Variants in TMEM50B observed in about 807,000 individuals in gnomAD.
TMEM50B encodes the protein transmembrane protein 50B.
In TMEM50B, 14 loss-of-function variants were observed where a neutral mutation model predicts 23.4. The ratio of observed to expected loss-of-function variants is 0.60; its 90% CI spans 0.39 to 0.93. TMEM50B has a LOEUF of 0.93. TMEM50B is among the 40% of genes least tolerant of loss of function. The pLI is 0.00. For missense variants in TMEM50B, 159 were observed against 193.0 expected (o/e 0.82, Z 1.04); for synonymous variants, 64 against 62.3 (o/e 1.03, Z -0.13).
Position 33,450,073 on chromosome 21 carries a change from C to T in TMEM50B, c.*745G>A, listed in dbSNP as rs2084103610. The T allele has an allele frequency of 6.6e-6, 1 of 151,894 alleles. No individual in the cohort carries two copies. Among genetic ancestry groups the T allele is most frequent in the East Asian group, 1.9e-4 (1 of 5,190 alleles). 9.4% of individuals were successfully genotyped at this position (151,894 alleles called of 1,614,324 possible). A position where few individuals can be genotyped will look rare whatever the true frequency, so the allele number is the denominator to read the frequency against. On this transcript the variant is annotated 3_prime_UTR_variant, in exon 7 of 7. Transcript: ENST00000542230. ...ATAAGAACAAATATTTTTTCTTTAC[C>T]AAAAAAACCTCATTTTTAGGCCAAA...
At chr21:33,463,519 G>A (rs2084235775) in intron 4 of TMEM50B, among the ~76,000 whole-genome samples, 1 of 152,116 alleles carries the variant, frequency 6.6e-6, no homozygotes, top group South Asian at 2.1e-4. Flanking sequence ...GGAACTTTTT[G>A]GGGCAATGGA....
In TMEM50B at chr21:33,479,936, C is replaced by A. The variant is rs2084413544; in HGVS notation, c.-140G>T. On this transcript the variant is annotated 5_prime_UTR_variant, in exon 1 of 7. Coordinates refer to ENST00000542230, the MANE Select transcript of TMEM50B (RefSeq NM_006134.7). ...GGCGTCCCGCGGCTCCACCTCAGCC[C>A]CGGGAGCCCGGAGCTGGGAGCAGAC... 2 of 152,218 alleles carry A rather than the reference C, an allele frequency of 1.3e-5. No homozygotes were observed. The allele number at this position is 152,218 out of a possible 1,614,324, so 9.4% of individuals were successfully genotyped here.
intron 1 of TMEM50B, among the ~76,000 whole-genome samples, chr21:33,474,368 T>C (rs1276558088): frequency 3.9e-5 from 6 of 151,944 alleles, no homozygotes; most frequent in African/African-American, 1.5e-4. Context: ...AGTAAAATAA[T>C]GGTACTTCCA....
At chr21:33,459,616 C>T (rs931117270) in intron 5 of TMEM50B, among the ~76,000 whole-genome samples, 9 of 145,844 alleles carry the variant, frequency 6.2e-5, no homozygotes, top group South Asian at 2.2e-4. Context: ...TGCAGTGAGC[C>T]GAGATCACAC....
chr21:33,458,474 A>T (rs903547991), intron 5 of TMEM50B, among the ~76,000 whole-genome samples: 4 of 152,232 alleles, frequency 2.6e-5, no homozygotes, highest in African/African-American at 9.6e-5. Flanking sequence ...AGATCACGCC[A>T]CTGCACTCCA....
At chr21:33,453,666 A>G (rs2084142900) in intron 6 of TMEM50B, among the ~76,000 whole-genome samples, 2 of 152,148 alleles carry the variant, frequency 1.3e-5, no homozygotes, top group Admixed American at 6.6e-5. Flanking sequence ...ACCACAGTAC[A>G]TCGTAATCAA....
chr21:33,473,421 C>A (rs1434674101), intron 1 of TMEM50B, among the ~76,000 whole-genome samples: 1 of 148,992 alleles, frequency 6.7e-6, no homozygotes, highest in African/African-American at 2.5e-5. Context: ...CCACTGCACT[C>A]CAGCCTGGGC....
intron 8 of TMEM50B, among the ~76,000 whole-genome samples, chr21:33,433,911 T>C (rs2284554): frequency 0.59 from 88,846 of 151,688 alleles, 28,067 homozygotes; most frequent in East Asian, 0.83. Context: ...TCCAGGGAAG[T>C]GGCCTGGCTG....
At chr21:33,472,285 A>C (rs1402534508) in intron 1 of TMEM50B, among the ~76,000 whole-genome samples, 1 of 151,766 alleles carries the variant, frequency 6.6e-6, no homozygotes, top group Non-Finnish European at 1.5e-5. Context: ...CAGGAGGCTA[A>C]GGCAGTAGAA....
intron 3 of TMEM50B, 95 bp from the exon 4 acceptor site, chr21:33,465,504 A>G (rs2084257618): frequency 7.8e-6 from 7 of 898,446 alleles, no homozygotes; most frequent in Non-Finnish European, 1.2e-5. Flanking sequence ...AGATTATTTC[A>G]TAACTAAAAT....
intron 8 of TMEM50B, among the ~76,000 whole-genome samples, chr21:33,439,018 G>A (rs1335852697): frequency 6.6e-6 from 1 of 152,034 alleles, no homozygotes; most frequent in Non-Finnish European, 1.5e-5. Flanking sequence ...GTGAGCCACC[G>A]TGTCCGGCAA....
At chr21:33,452,188 T>G (rs2084127939) in intron 6 of TMEM50B, among the ~76,000 whole-genome samples, 1 of 152,252 alleles carries the variant, frequency 6.6e-6, no homozygotes, top group South Asian at 2.1e-4. Context: ...CCCAGAAGGC[T>G]GTCAGTCACA....
At chr21:33,448,431 G>A (rs905743745), downstream of TMEM50B, among the ~76,000 whole-genome samples, 1 of 152,074 alleles carries the variant, frequency 6.6e-6, no homozygotes, top group Admixed American at 6.6e-5. Flanking sequence ...TGGATGTGTT[G>A]AGACCAGTTC....
intron 1 of TMEM50B, among the ~76,000 whole-genome samples, chr21:33,470,782 C>G (rs947317423): frequency 6.6e-6 from 1 of 151,882 alleles, no homozygotes; most frequent in African/African-American, 2.4e-5. Context: ...CCCAGCTACT[C>G]AGGAGGCCGA....
At chr21:33,476,528 G>A (rs866759125) in intron 1 of TMEM50B, among the ~76,000 whole-genome samples, 3 of 151,988 alleles carry the variant, frequency 2.0e-5, no homozygotes, top group African/African-American at 4.8e-5. Context: ...TTGGGAAGCC[G>A]AGGCCAGCGG....
chr21:33,457,586 G>A (rs1488469875), intron 5 of TMEM50B, among the ~76,000 whole-genome samples: 1 of 150,928 alleles, frequency 6.6e-6, no homozygotes, highest in Non-Finnish European at 1.5e-5. Context: ...GGGAGGCAGA[G>A]GTTGCAGTGA....
intron 2 of TMEM50B, 89 bp downstream of exon 2, chr21:33,468,698 G>T: frequency 1.0e-6 from 1 of 997,694 alleles, no homozygotes; most frequent in Non-Finnish European, 1.6e-6. Context: ...AATAGTTCTG[G>T]AAAGCCATTC....
chr21:33,461,366 T>C (rs990862656), intron 4 of TMEM50B, among the ~76,000 whole-genome samples: 2 of 152,174 alleles, frequency 1.3e-5, no homozygotes, highest in Non-Finnish European at 2.9e-5. Context: ...CTGAGAGAAA[T>C]AGGTCTCTAT....
intron 8 of TMEM50B, chr21:33,437,406 T>G: frequency 5.8e-6 from 1 of 171,458 alleles, no homozygotes; most frequent in Non-Finnish European, 1.3e-5. Context: ...TTCATGTACA[T>G]CCATGGTGTG....
Sources: gnomAD v4.1 joint callset for allele counts (sites outside exome capture counted in the v4.1 genomes callset) on GRCh38, gnomAD v4.1.1 for gene constraint, MANE v1.5 for transcripts, NCBI Gene and HGNC (gene_info 2026-07-23, HGNC 2026-07-21) for gene names.